Variants in PRMT9 observed in about 807,000 individuals in gnomAD.
PRMT9 encodes the protein protein arginine methyltransferase 9, also known as protein arginine N-methyltransferase 9.
PRMT9 carries 59 observed loss-of-function variants against 83.2 expected under a neutral mutation model. That is an observed-to-expected ratio of 0.71 (90% CI 0.57 to 0.88). The LOEUF (loss-of-function observed/expected upper bound fraction) is 0.88, where lower values mean the gene tolerates loss of function less well. Among genes scored for constraint, PRMT9 ranks in the 40% least tolerant of loss-of-function variants. The pLI, the probability that PRMT9 is intolerant of heterozygous loss-of-function variation, is 0.00. For synonymous variants in PRMT9, 333 were observed against 353.2 expected (o/e 0.94, Z 0.64); for missense variants, 947 against 1,021.9 (o/e 0.93, Z 1.00).
chr4:147,653,356 C>T (rs1331867909), intron 9 of PRMT9, among the ~76,000 whole-genome samples: 1 of 151,640 alleles, frequency 6.6e-6, no homozygotes, highest in Non-Finnish European at 1.5e-5. Context: ...GCAGGAGAAT[C>T]GTTTGAACCC....
At chr4:147,675,179 C>T in intron 2 of PRMT9, among the ~76,000 whole-genome samples, 1 of 152,084 alleles carries the variant, frequency 6.6e-6, no homozygotes, top group East Asian at 1.9e-4. Context: ...GGGGTTTCTC[C>T]ATGTTGGTCA....
At chr4:147,642,196 G>C (rs1281508488) in intron 10 of PRMT9, among the ~76,000 whole-genome samples, 1 of 151,998 alleles carries the variant, frequency 6.6e-6, no homozygotes, top group Admixed American at 6.6e-5. Flanking sequence ...TTAAAACCTA[G>C]GACCCTTCTT....
intron 10 of PRMT9, among the ~76,000 whole-genome samples, chr4:147,639,667 T>C (rs1733249625): frequency 6.6e-6 from 1 of 152,150 alleles, no homozygotes; most frequent in Non-Finnish European, 1.5e-5. Flanking sequence ...AAGTTGTGAA[T>C]CACTATTAAG....
chr4:147,675,252 T>C (rs1049596743), intron 2 of PRMT9, among the ~76,000 whole-genome samples: 1 of 152,170 alleles, frequency 6.6e-6, no homozygotes, highest in African/African-American at 2.4e-5. Context: ...AGTGCTGAGA[T>C]TACAGGCGTG....
chr4:147,644,370 AT>A (rs781503914), intron 9 of PRMT9, among the ~76,000 whole-genome samples: 32 of 19,262 alleles, frequency 1.7e-3, no homozygotes, highest in East Asian at 0.015. Context: ...CAAATGCAAA[AT>A]TTAAAAAAAA....
At chr4:147,646,632 CT>C (rs2126578156) in intron 9 of PRMT9, among the ~76,000 whole-genome samples, 1 of 112,174 alleles carries the variant, frequency 8.9e-6, no homozygotes, top group Admixed American at 1.1e-4. Flanking sequence ...AAAAATAAAA[CT>C]TCTGACACAA....
intron 9 of PRMT9, among the ~76,000 whole-genome samples, chr4:147,649,599 T>C (rs1400729665): frequency 6.6e-6 from 1 of 151,948 alleles, no homozygotes; most frequent in East Asian, 1.9e-4. Flanking sequence ...GCCTCCAGGG[T>C]TCAAGCGATT....
At chr4:147,642,405 A>AT (rs1733462127) in intron 10 of PRMT9, among the ~76,000 whole-genome samples, 1 of 151,774 alleles carries the variant, frequency 6.6e-6, no homozygotes, top group South Asian at 2.1e-4. Flanking sequence ...CACCTGGCTA[A>AT]TTTTTTTGTA....
chr4:147,673,149 A>G lies in PRMT9; in HGVS notation c.576-23T>C, dbSNP rs376380529. The G allele has an allele frequency of 6.4e-5, 103 of 1,611,836 alleles. No homozygotes were observed. The African/African-American group carries it at 1.3e-3, about 20-fold the overall frequency. ...ATGCTACAAGGGAAAAAAGTTCTCC[A>G]TCAAGAAAAAATAATCTACTGTATT... is the stretch of plus-strand genomic sequence containing the variant. On this transcript the variant is annotated intron_variant, in intron 3 of 11. Transcript: ENST00000322396.
chr4:147,641,504 T>C (rs1451495994), intron 10 of PRMT9, among the ~76,000 whole-genome samples: 1 of 152,202 alleles, frequency 6.6e-6, no homozygotes, highest in Non-Finnish European at 1.5e-5. Flanking sequence ...GTATATCCCA[T>C]ACGCCACACT....
intron 9 of PRMT9, among the ~76,000 whole-genome samples, chr4:147,652,454 CA>C (rs554211414): frequency 9.9e-4 from 141 of 142,688 alleles, no homozygotes; most frequent in Non-Finnish European, 8.7e-4. Flanking sequence ...CCATCTCAAA[CA>C]AAAAAAAAAA....
At chr4:147,660,458 C>T (rs1734876145) in intron 7 of PRMT9, among the ~76,000 whole-genome samples, 1 of 152,102 alleles carries the variant, frequency 6.6e-6, no homozygotes, top group Non-Finnish European at 1.5e-5. Context: ...GGCAAAACCG[C>T]ATCTCTACTA....
Position 147,638,441 on chromosome 4 carries a change from C to T in PRMT9, c.*91G>A, listed in dbSNP as rs1733152622. The T allele has an allele frequency of 1.1e-6, 1 of 909,936 alleles. No homozygotes were observed. Among genetic ancestry groups the T allele is most frequent in the Non-Finnish European group, 1.8e-6 (1 of 552,546 alleles). The allele number at this position is 909,936 out of a possible 1,614,324, so 56.4% of individuals were successfully genotyped here. A position where few individuals can be genotyped will look rare whatever the true frequency, so the allele number is the denominator to read the frequency against. On this transcript the variant is annotated 3_prime_UTR_variant, in exon 12 of 12. Coordinates refer to ENST00000322396, the MANE Select transcript of PRMT9 (RefSeq NM_138364.4). ...AATTTTAAAAAATATTTGACCATTA[C>T]AAGGAATTTTTATATACCCCCACTA...
At position 147,683,931 on chromosome 4, in the gene PRMT9, G is replaced by C. The variant is rs372261282; in HGVS notation, c.57C>G (p.Ala19=). The C allele has an allele frequency of 3.1e-6, 5 of 1,612,810 alleles. No homozygotes were observed. In the Admixed American group the frequency reaches 8.3e-5, roughly 27 times the overall value. Residue 19 remains alanine, a synonymous_variant, in exon 1 of 12, where the codon GCC becomes GCG. Coordinates refer to ENST00000322396, the MANE Select transcript of PRMT9 (RefSeq NM_138364.4). ...RRDAGGGAGA[A]GRDELVSRSL... ...ACCGCGACACCAGCTCGTCCCGGCC[G>C]GCTGCCCCAGCGCCACCCCCGGCGT...
chr4:147,650,913 T>G (rs905860483), intron 9 of PRMT9, among the ~76,000 whole-genome samples: 2 of 152,110 alleles, frequency 1.3e-5, no homozygotes, highest in Non-Finnish European at 2.9e-5. Flanking sequence ...CCATCCTGGC[T>G]AACACGGTGA....
At chr4:147,656,473 G>A (rs944569339) in intron 8 of PRMT9, among the ~76,000 whole-genome samples, 3 of 151,858 alleles carry the variant, frequency 2.0e-5, no homozygotes, top group African/African-American at 7.3e-5. Flanking sequence ...TTTTCATTTT[G>A]TAGAAATGAG....
chr4:147,664,586 G>A (rs1295453371), intron 6 of PRMT9, among the ~76,000 whole-genome samples: 1 of 152,132 alleles, frequency 6.6e-6, no homozygotes, highest in African/African-American at 2.4e-5. Context: ...TACTGTTGAT[G>A]TTAGCTTTAA....
At chr4:147,658,342 T>C (rs757125336) in intron 7 of PRMT9, among the ~76,000 whole-genome samples, 1 of 151,712 alleles carries the variant, frequency 6.6e-6, no homozygotes, top group Non-Finnish European at 1.5e-5. Context: ...AGAGAGCATG[T>C]GTTTAAGAGA....
intron 2 of PRMT9, 34 bp from the exon 3 acceptor site, chr4:147,673,908 T>G: frequency 6.6e-7 from 1 of 1,523,236 alleles, no homozygotes; most frequent in South Asian, 1.1e-5. Flanking sequence ...CAAAATATAT[T>G]CAACTATATG....
Sources: gnomAD v4.1 joint callset for allele counts (sites outside exome capture counted in the v4.1 genomes callset) on GRCh38, gnomAD v4.1.1 for gene constraint, MANE v1.5 for transcripts, NCBI Gene and HGNC (gene_info 2026-07-23, HGNC 2026-07-21) for gene names.